Variants in ADRA1B observed in about 807,000 individuals in gnomAD.
ADRA1B encodes the protein alpha-1B adrenergic receptor.
Under a neutral mutation model 17.9 loss-of-function variants are expected in ADRA1B, and 17 were observed. The observed-to-expected ratio is 0.95, with a 90% CI of 0.65 to 1.42. ADRA1B has a LOEUF of 1.42. Ranked by LOEUF, ADRA1B falls within the 40% of genes most tolerant of loss-of-function variation. The probability of loss-of-function intolerance (pLI) is 0.00; values close to 1 mark genes in which losing one functional copy is unlikely to be tolerated. For synonymous variants in ADRA1B, 366 were observed against 327.6 expected, an observed-to-expected ratio of 1.12 and a Z score of -1.27; for missense variants, 681 against 722.1, an observed-to-expected ratio of 0.94 and a Z score of 0.65.
chr5:159,881,300 TCTCTCTCTCTC>T (rs1561581405), intron 1 of ADRA1B, among the ~76,000 whole-genome samples: 4 of 6,966 alleles, frequency 5.7e-4, no homozygotes, highest in African/African-American at 2.6e-3. Flanking sequence ...ATCAGAAAGT[TCTCTCTCTCTC>T]TCTCTCTCTC....
intron 1 of ADRA1B, among the ~76,000 whole-genome samples, chr5:159,963,062 G>T (rs1308594995): frequency 2.0e-5 from 3 of 149,142 alleles, no homozygotes; most frequent in African/African-American, 4.9e-5. Flanking sequence ...ATTGCACCTG[G>T]CCTTTTAGCT....
chr5:159,914,782 C>T (rs1754262052), upstream of ADRA1B, among the ~76,000 whole-genome samples: 1 of 152,166 alleles, frequency 6.6e-6, no homozygotes, highest in Non-Finnish European at 1.5e-5. Flanking sequence ...CTGTTTTCCC[C>T]ACCCGTGAAT....
At chr5:159,980,004 A>T in the ADRA1B span, among the ~76,000 whole-genome samples, 42 of 152,058 alleles carry the variant, frequency 2.8e-4, no homozygotes, top group Admixed American at 2.6e-3. Context: ...GAGCCCCACC[A>T]ATGTAAGCGG....
chr5:159,874,777 T>C (rs536254276), intron 1 of ADRA1B, among the ~76,000 whole-genome samples: 5 of 152,318 alleles, frequency 3.3e-5, no homozygotes, highest in African/African-American at 1.2e-4. Context: ...CTCAGGTCCA[T>C]GGAAAGTTGG....
At chr5:159,920,870 C>G (rs891196736) in intron 1 of ADRA1B, among the ~76,000 whole-genome samples, 1 of 152,146 alleles carries the variant, frequency 6.6e-6, no homozygotes, top group Non-Finnish European at 1.5e-5. Flanking sequence ...AAAACTTTTT[C>G]ACTCATAAGG....
At chr5:159,980,936 A>G in the ADRA1B span, among the ~76,000 whole-genome samples, 4 of 152,032 alleles carry the variant, frequency 2.6e-5, no homozygotes, top group African/African-American at 9.7e-5. Context: ...CCTCACAATA[A>G]AAAAAACCAG....
the ADRA1B span, among the ~76,000 whole-genome samples, chr5:159,983,621 T>C: frequency 2.6e-5 from 4 of 152,150 alleles, no homozygotes; most frequent in Admixed American, 2.6e-4. Context: ...AAATTAGGAT[T>C]TGAAGTTTGA....
At position 159,916,976 on chromosome 5, in the gene ADRA1B, A is replaced by T. The variant is rs376465505; in HGVS notation, c.71A>T (p.Asn24Ile). The T allele has an allele frequency of 8.7e-6, 14 of 1,614,000 alleles. No homozygotes were observed. The highest frequency in any genetic ancestry group is 1.1e-5 in the Non-Finnish European group (13 of 1,179,970). ...PAHWGELKNA[N>I]FTGPNQTSSN... Reference sequence around the variant, plus strand: ...CACTGGGGAGAGTTGAAAAATGCCAACTTCACTGGCCCCAACCAGACCTCG... The same window carrying T: ...CACTGGGGAGAGTTGAAAAATGCCATCTTCACTGGCCCCAACCAGACCTCG... The change falls in exon 1 of 2, where the codon AAC (asparagine) becomes ATC (isoleucine). Residue 24 changes from asparagine (N) to isoleucine (I), a missense_variant. Asn to Ile is a moderately radical substitution (Grantham distance 149, BLOSUM62 -3). Around this residue, in one of 3 missense-constraint regions of ADRA1B, gnomAD observed 424 missense variants for 480.2 expected, o/e 0.88. Transcript: ENST00000306675.
At chr5:159,957,929 CA>C (rs35956137) in intron 1 of ADRA1B, among the ~76,000 whole-genome samples, 8,807 of 66,984 alleles carry the variant, frequency 0.13, 240 homozygotes, top group South Asian at 0.23. Flanking sequence ...AACCCCATCT[CA>C]AAAAAAAAAA....
chr5:159,917,200 C>T lies in ADRA1B; in HGVS notation c.295C>T (p.Leu99=). ...CGACCTGCTGTTGAGCTTCACCGTCCTGCCCTTCTCAGCGGCCCTAGAGGT... is the reference window on the plus strand; with the variant it reads ...CGACCTGCTGTTGAGCTTCACCGTCTTGCCCTTCTCAGCGGCCCTAGAGGT... ...MADLLLSFTV[L]PFSAALEVLG... The change falls in exon 1 of 2, where the codon CTG becomes TTG. Residue 99 remains leucine, a synonymous_variant. Transcript: ENST00000306675. 2 of 1,614,198 alleles carry T rather than the reference C, an allele frequency of 1.2e-6. No homozygotes were observed. The highest frequency in any genetic ancestry group is 1.7e-6 in the Non-Finnish European group (2 of 1,180,044).
intron 1 of ADRA1B, among the ~76,000 whole-genome samples, chr5:159,946,547 G>A (rs868305400): frequency 2.6e-5 from 4 of 152,130 alleles, no homozygotes; most frequent in South Asian, 2.1e-4. Context: ...CCAGAATGAC[G>A]TGCTGTAAAT....
upstream of ADRA1B, among the ~76,000 whole-genome samples, chr5:159,914,164 A>G (rs148799334): frequency 1.3e-5 from 2 of 152,162 alleles, no homozygotes; most frequent in Admixed American, 1.3e-4. Context: ...GATCTCAAAG[A>G]TCATCTAAGC....
intron 1 of ADRA1B, among the ~76,000 whole-genome samples, chr5:159,926,645 G>A (rs1754660336): frequency 6.6e-6 from 1 of 152,144 alleles, no homozygotes; most frequent in African/African-American, 2.4e-5. Context: ...CCAGCACTTT[G>A]GGAGGCCGAG....
At chr5:159,983,620 T>G in the ADRA1B span, among the ~76,000 whole-genome samples, 1 of 152,134 alleles carries the variant, frequency 6.6e-6, no homozygotes, top group Non-Finnish European at 1.5e-5. Flanking sequence ...GAAATTAGGA[T>G]TTGAAGTTTG....
At chr5:159,981,838 G>A in the ADRA1B span, among the ~76,000 whole-genome samples, 16 of 152,166 alleles carry the variant, frequency 1.1e-4, no homozygotes, top group Non-Finnish European at 1.6e-4. Context: ...GGCTGGGCAC[G>A]GTGACTCACG....
intron 1 of ADRA1B, among the ~76,000 whole-genome samples, chr5:159,944,013 C>G (rs1471131693): frequency 1.3e-5 from 2 of 152,012 alleles, no homozygotes; most frequent in African/African-American, 4.8e-5. Context: ...AAACCAATAC[C>G]TCTTTACCAT....
chr5:159,952,082 G>A (rs954390973), intron 1 of ADRA1B, among the ~76,000 whole-genome samples: 4 of 152,096 alleles, frequency 2.6e-5, no homozygotes, highest in Non-Finnish European at 4.4e-5. Flanking sequence ...ACAGTCAAAC[G>A]CTTATCCCCT....
At chr5:159,896,985 G>A (rs1190981077) in intron 1 of ADRA1B, among the ~76,000 whole-genome samples, 2 of 152,274 alleles carry the variant, frequency 1.3e-5, no homozygotes, top group East Asian at 3.9e-4. Context: ...TGGAAAAATA[G>A]CCTGCATATC....
chr5:159,951,038 T>G, intron 1 of ADRA1B: 1 of 694,878 alleles, frequency 1.4e-6, no homozygotes, highest in Non-Finnish European at 2.7e-6. Flanking sequence ...CACTAAGCAG[T>G]TGGTGGTGCA....
Sources: allele counts gnomAD v4.1 joint callset (sites outside exome capture counted in the v4.1 genomes callset), GRCh38; gene constraint gnomAD v4.1.1; regional missense constraint gnomAD v4.1.1; transcripts MANE v1.5; gene names NCBI Gene and HGNC (gene_info 2026-07-23, HGNC 2026-07-21).